PRND: variants seen among roughly 807,000 people sequenced by gnomAD.
PRND encodes prion like protein doppel.
For synonymous variants in PRND, 94 were observed against 93.2 expected, an observed-to-expected ratio of 1.01 and a Z score of -0.05; for missense variants, 227 against 223.3, an observed-to-expected ratio of 1.02 and a Z score of -0.11.
chr20:4,723,220 C>T (rs996245192), intron 1 of PRND, among the ~76,000 whole-genome samples: 1 of 152,212 alleles, frequency 6.6e-6, no homozygotes, highest in African/African-American at 2.4e-5. Context: ...CAGTGCAGGT[C>T]TGCCACCTCC....
chr20:4,724,811 A>G lies in PRND; in HGVS notation c.260A>G (p.Asp87Gly). 6 of 1,614,206 alleles carry G rather than the reference A, an allele frequency of 3.7e-6. No individual in the cohort carries two copies. Among genetic ancestry groups the G allele is most frequent in the Non-Finnish European group, 5.1e-6 (6 of 1,180,038 alleles). The stretch of plus-strand genomic sequence containing the variant: ...GAGGCCAACTACTGGCAGTTCCCCG[A>G]TGGCATCCACTACAACGGCTGCTCT... ...YYEANYWQFP[D>G]GIHYNGCSEA... Residue 87 changes from aspartate to glycine, a missense_variant, in exon 2 of 2, where the codon GAT becomes GGT. Coordinates refer to ENST00000305817, the MANE Select transcript of PRND (RefSeq NM_012409.4). This position sits in a 1 kb window ranked among gnomAD's most constrained non-coding sequence, Gnocchi z 4.8.
chr20:4,724,801 C>A lies in PRND; in HGVS notation c.250C>A (p.Gln84Lys). 1 of 1,614,232 alleles carries A rather than the reference C, an allele frequency of 6.2e-7. No homozygotes were observed. Among genetic ancestry groups the A allele is most frequent in the Non-Finnish European group, 8.5e-7 (1 of 1,180,050 alleles). The change falls in exon 2 of 2, where the codon CAG (glutamine) becomes AAG (lysine). Residue 84 changes from glutamine to lysine, a missense_variant. Coordinates refer to ENST00000305817, the MANE Select transcript of PRND (RefSeq NM_012409.4). The surrounding 1 kb of genome is among the most constrained non-coding windows in gnomAD (Gnocchi z 4.8). ...GNRYYEANYW[Q>K]FPDGIHYNGC... ...CAGGTACTACGAGGCCAACTACTGGCAGTTCCCCGATGGCATCCACTACAA... is the reference window on the plus strand; with the variant it reads ...CAGGTACTACGAGGCCAACTACTGGAAGTTCCCCGATGGCATCCACTACAA...
rs968180910 is a variant in PRND, at chr20:4,726,504, A to G, written c.*1422A>G. Reference sequence around the variant, plus strand: ...TAAGCAGGAGTTGATACACCACCTTATTAGCTAAAAATATATATAACACAA... The same window carrying G: ...TAAGCAGGAGTTGATACACCACCTTGTTAGCTAAAAATATATATAACACAA... On this transcript the variant is annotated 3_prime_UTR_variant, in exon 2 of 2. Transcript: ENST00000305817. 1 of 167,086 alleles carries G rather than the reference A, an allele frequency of 6.0e-6. No homozygotes were observed. The highest frequency in any genetic ancestry group is 2.4e-5 in the African/African-American group (1 of 41,454). 10.4% of individuals were successfully genotyped at this position (167,086 alleles called of 1,614,324 possible).
rs1004540729 is a variant in PRND at position 4,726,447 on chromosome 20, G to C, written c.*1365G>C. ...TTTAAAAAATAAAGCTGTGTCTTTAGGGAGACCCAATAAAGAATGCAATCC... is the reference window on the plus strand; with the variant it reads ...TTTAAAAAATAAAGCTGTGTCTTTACGGAGACCCAATAAAGAATGCAATCC... On this transcript the variant is annotated 3_prime_UTR_variant, in exon 2 of 2. Transcript: ENST00000305817. The C allele has an allele frequency of 1.2e-5, 2 of 166,982 alleles. No individual in the cohort carries two copies. The highest frequency in any genetic ancestry group is 4.8e-5 in the African/African-American group (2 of 41,404). 10.3% of individuals were successfully genotyped at this position (166,982 alleles called of 1,614,324 possible).
In PRND at chr20:4,726,899, G is replaced by A. The variant is rs1476381755; in HGVS notation, c.*1817G>A. 2.4e-5 allele frequency: 4 copies of A among 167,130 alleles called. No homozygotes were observed. Among genetic ancestry groups the A allele is most frequent in the African/African-American group, 9.7e-5 (4 of 41,448 alleles). 10.4% of individuals were successfully genotyped at this position (167,130 alleles called of 1,614,324 possible). On this transcript the variant is annotated 3_prime_UTR_variant, in exon 2 of 2. Coordinates refer to ENST00000305817, the MANE Select transcript of PRND (RefSeq NM_012409.4). ...GAAACAGCCTTACACTGGGCACATG[G>A]AGGAGACGTCCACCCTGCAGCCAGG...
rs1923204881 is a variant in PRND, at chr20:4,724,640, A to G, written c.89A>G (p.Lys30Arg). 1 of 1,614,058 alleles carries G rather than the reference A, an allele frequency of 6.2e-7. No homozygotes were observed. Among genetic ancestry groups the G allele is most frequent in the African/African-American group, 1.3e-5 (1 of 74,936 alleles). ...TCTGCGGTCCAGACGAGGGGCATCA[A>G]GCACAGAATCAAGTGGAACCGGAAG... is the stretch of plus-strand genomic sequence containing the variant. ...HLSAVQTRGI[K>R]HRIKWNRKAL... The change falls in exon 2 of 2, where the codon AAG (lysine) becomes AGG (arginine). Residue 30 changes from lysine to arginine, a missense_variant. Lys to Arg is a conservative substitution (Grantham distance 26). Coordinates refer to ENST00000305817, the MANE Select transcript of PRND (RefSeq NM_012409.4). The surrounding 1 kb of genome is among the most constrained non-coding windows in gnomAD (Gnocchi z 4.8).
rs6139533 is a variant in PRND, at chr20:4,726,907, G to A, written c.*1825G>A. The A allele has an allele frequency of 6.4e-3, 1,073 of 167,204 alleles. 25 individuals are homozygous for A. The highest frequency in any genetic ancestry group is 0.056 in the East Asian group (290 of 5,186). 10.4% of individuals were successfully genotyped at this position (167,204 alleles called of 1,614,324 possible). A position where few individuals can be genotyped will look rare whatever the true frequency, so the allele number is the denominator to read the frequency against. On this transcript the variant is annotated 3_prime_UTR_variant, in exon 2 of 2. Transcript: ENST00000305817. ...CTTACACTGGGCACATGGAGGAGACGTCCACCCTGCAGCCAGGACTGGGGT... is the reference window on the plus strand; with the variant it reads ...CTTACACTGGGCACATGGAGGAGACATCCACCCTGCAGCCAGGACTGGGGT...
chr20:4,724,036 G>T lies in PRND; in HGVS notation c.-11-505G>T, dbSNP rs976772915. The stretch of plus-strand genomic sequence containing the variant: ...TGTGTGTATATATACATATATGTGT[G>T]TATATATGTATATATGTGTGTGTAT... On this transcript the variant is annotated intron_variant, in intron 1 of 1. Coordinates refer to ENST00000305817, the MANE Select transcript of PRND (RefSeq NM_012409.4). This position sits in a 1 kb window ranked among gnomAD's most constrained non-coding sequence, Gnocchi z 4.8. 1.9e-5 allele frequency among the ~76,000 whole-genome samples: 2 copies of T among 106,970 alleles called. No homozygotes were observed. The highest frequency in any genetic ancestry group is 3.9e-5 in the Non-Finnish European group (2 of 51,796). The allele number at this position is 106,970 out of a possible 152,430, so 70.2% of individuals were successfully genotyped here.
rs34966363 is a variant in PRND at position 4,724,761 on chromosome 20, C to A, written c.210C>A (p.Phe70Leu). 1 of 1,614,228 alleles carries A rather than the reference C, an allele frequency of 6.2e-7. No homozygotes were observed. The highest frequency in any genetic ancestry group is 8.5e-7 in the Non-Finnish European group (1 of 1,180,044). Residue 70 changes from phenylalanine (F) to leucine (L), a missense_variant, in exon 2 of 2, where the codon TTC becomes TTA. Phe to Leu is a conservative substitution (Grantham distance 22). Transcript: ENST00000305817. The surrounding 1 kb of genome is among the most constrained non-coding windows in gnomAD (Gnocchi z 4.8). ...IKQGRKLDID[F>L]GAEGNRYYEA... ...AAGGCCGCAAGCTCGACATTGACTT[C>A]GGAGCCGAGGGCAACAGGTACTACG... is the stretch of plus-strand genomic sequence containing the variant.
intron 1 of PRND, among the ~76,000 whole-genome samples, chr20:4,723,936 ATATGTGTG>A (rs1448671886): frequency 4.8e-5 from 5 of 104,832 alleles, no homozygotes; most frequent in South Asian, 3.3e-4. Flanking sequence ...TGTCTCTAAA[ATATGTGTG>A]TGTGTGTGTG....
rs1923263462 is a variant in PRND, at chr20:4,726,201, T to C, written c.*1119T>C. 6.2e-6 allele frequency: 1 copy of C among 160,770 alleles called. No individual in the cohort carries two copies. 10.0% of individuals were successfully genotyped at this position (160,770 alleles called of 1,614,324 possible). On this transcript the variant is annotated 3_prime_UTR_variant, in exon 2 of 2. Transcript: ENST00000305817. ...CTGTTCCCATCCCTGAAACATTGCA[T>C]GTATTTAAGAAAAACAAAATGTTAG... is the stretch of plus-strand genomic sequence containing the variant.
At position 4,724,569 on chromosome 20, in the gene PRND, C is replaced by A. The variant is rs1923203468; in HGVS notation, c.18C>A (p.Ser6Arg). ...CTGACGCGATGAGGAAGCACCTGAG[C>A]TGGTGGTGGCTGGCCACTGTCTGCA... is the stretch of plus-strand genomic sequence containing the variant. The part of the protein sequence containing the change: MRKHL[S>R]WWWLATVCML... Residue 6 changes from serine to arginine, a missense_variant, in exon 2 of 2, where the codon AGC becomes AGA. By Grantham distance (110) the Ser-to-Arg change is moderately radical (BLOSUM62 -1). Transcript: ENST00000305817. This position sits in a 1 kb window ranked among gnomAD's most constrained non-coding sequence, Gnocchi z 4.8. 2 of 1,613,894 alleles carry A rather than the reference C, an allele frequency of 1.2e-6. No homozygotes were observed. Among genetic ancestry groups the A allele is most frequent in the African/African-American group, 2.7e-5 (2 of 74,924 alleles).
In PRND at chr20:4,727,567, A is replaced by G. The variant is rs1229364404; in HGVS notation, c.*2485A>G. 7 of 167,192 alleles carry G rather than the reference A, an allele frequency of 4.2e-5. No homozygotes were observed. The highest frequency in any genetic ancestry group is 1.7e-4 in the African/African-American group (7 of 41,576). 10.4% of individuals were successfully genotyped at this position (167,192 alleles called of 1,614,324 possible). On this transcript the variant is annotated 3_prime_UTR_variant, in exon 2 of 2. Coordinates refer to ENST00000305817, the MANE Select transcript of PRND (RefSeq NM_012409.4). Reference sequence around the variant, plus strand: ...CTGCTAAGTGTTGACTTTTTAAAATATAAGTTTATTGTAAAAGTGACATGA... The same window carrying G: ...CTGCTAAGTGTTGACTTTTTAAAATGTAAGTTTATTGTAAAAGTGACATGA...
rs750182357 is a variant in PRND at position 4,724,716 on chromosome 20, C to A, written c.165C>A (p.Arg55=). The change falls in exon 2 of 2, where the codon CGC becomes CGA. Residue 55 remains arginine (R), a synonymous_variant. Transcript: ENST00000305817. The surrounding 1 kb of genome is among the most constrained non-coding windows in gnomAD (Gnocchi z 4.8). ...CTGAGGCCCAGGTGGCTGAGAACCG[C>A]CCGGGAGCCTTCATCAAGCAAGGCC... ...QITEAQVAEN[R]PGAFIKQGRK... 6.2e-7 allele frequency: 1 copy of A among 1,614,220 alleles called. No individual in the cohort carries two copies. Among genetic ancestry groups the A allele is most frequent in the Non-Finnish European group, 8.5e-7 (1 of 1,180,048 alleles).
Position 4,726,510 on chromosome 20 carries a change from T to C in PRND, c.*1428T>C, listed in dbSNP as rs1923273030. The C allele has an allele frequency of 6.0e-6, 1 of 167,072 alleles. No homozygotes were observed. The highest frequency in any genetic ancestry group is 6.5e-5 in the Admixed American group (1 of 15,274). The allele number at this position is 167,072 out of a possible 1,614,324, so 10.3% of individuals were successfully genotyped here. ...GGAGTTGATACACCACCTTATTAGC[T>C]AAAAATATATATAACACAATATGAG... On this transcript the variant is annotated 3_prime_UTR_variant, in exon 2 of 2. Transcript: ENST00000305817.
At chr20:4,723,997 T>C (rs989834277) in intron 1 of PRND, among the ~76,000 whole-genome samples, 2 of 150,108 alleles carry the variant, frequency 1.3e-5, no homozygotes, top group Non-Finnish European at 3.0e-5. Context: ...TCTGTACATA[T>C]ACGTATATAT....
chr20:4,722,114 C>T (rs1923121643), intron 1 of PRND, 145 bp downstream of exon 1: 1 of 152,224 alleles, frequency 6.6e-6, no homozygotes, highest in Non-Finnish European at 1.5e-5. Context: ...GATACCCAGT[C>T]ATCACTGGGC....
chr20:4,724,390 A>G lies in PRND; in HGVS notation c.-11-151A>G, dbSNP rs533720059. On this transcript the variant is annotated intron_variant, in intron 1 of 1. Coordinates refer to ENST00000305817, the MANE Select transcript of PRND (RefSeq NM_012409.4). The surrounding 1 kb of genome is among the most constrained non-coding windows in gnomAD (Gnocchi z 4.8). Reference sequence around the variant, plus strand: ...CTCGGTGTTTGAGTTAACCCTGCACAACCCAAACATGGGGAAACAATTATG... The same window carrying G: ...CTCGGTGTTTGAGTTAACCCTGCACGACCCAAACATGGGGAAACAATTATG... Among the ~76,000 whole-genome samples, 47 of 152,356 alleles carry G rather than the reference A, an allele frequency of 3.1e-4. No homozygotes were observed. The highest frequency in any genetic ancestry group is 1.1e-3 in the African/African-American group (45 of 41,576).
At chr20:4,722,565 C>G (rs1164401836) in intron 1 of PRND, among the ~76,000 whole-genome samples, 1 of 151,260 alleles carries the variant, frequency 6.6e-6, no homozygotes, top group Non-Finnish European at 1.5e-5. Context: ...GAGATCACTT[C>G]AGCTGTGTTT....
Sources: allele counts gnomAD v4.1 joint callset (sites outside exome capture counted in the v4.1 genomes callset), GRCh38; gene constraint gnomAD v4.1.1; non-coding constraint Gnocchi (gnomAD v3.1); transcripts MANE v1.5; gene names NCBI Gene and HGNC (gene_info 2026-07-23, HGNC 2026-07-21).